Variants in HMGB1 observed in about 807,000 individuals in gnomAD.
The protein encoded by HMGB1 is high mobility group protein B1.
For synonymous variants in HMGB1, 81 were observed against 84.0 expected (o/e 0.96, Z 0.19); for missense variants, 79 against 253.5 (o/e 0.31, Z 4.67).
intron 1 of HMGB1, among the ~76,000 whole-genome samples, chr13:30,532,668 C>T (rs1013268221): frequency 3.9e-5 from 6 of 151,920 alleles, no homozygotes; most frequent in African/African-American, 7.3e-5. Context: ...ACCATCATGC[C>T]CAGCTAATTT....
intron 1 of HMGB1, among the ~76,000 whole-genome samples, chr13:30,550,242 T>A (rs1869361564): frequency 6.6e-6 from 1 of 152,212 alleles, no homozygotes; most frequent in Admixed American, 6.5e-5. Context: ...TATGTTCATT[T>A]GTCCATTTGT....
chr13:30,557,013 T>C (rs1869720992), intron 1 of HMGB1, among the ~76,000 whole-genome samples: 1 of 152,204 alleles, frequency 6.6e-6, no homozygotes, highest in Admixed American at 6.5e-5. Flanking sequence ...CTCAAGAATA[T>C]GTACAATTGG....
At chr13:30,578,365 G>GTTTT (rs1475312645) in intron 1 of HMGB1, among the ~76,000 whole-genome samples, 9 of 67,074 alleles carry the variant, frequency 1.3e-4, no homozygotes, top group Non-Finnish European at 1.8e-4. Context: ...ACCAGTTCTT[G>GTTTT]TTCTTTTTTT....
At chr13:30,536,158 T>C (rs529799635) in intron 1 of HMGB1, among the ~76,000 whole-genome samples, 1 of 152,350 alleles carries the variant, frequency 6.6e-6, no homozygotes, top group East Asian at 1.9e-4. Flanking sequence ...TAGAAGTTAC[T>C]GCAATAAACA....
intron 1 of HMGB1, among the ~76,000 whole-genome samples, chr13:30,612,803 T>G (rs1264005123): frequency 6.6e-6 from 1 of 152,222 alleles, no homozygotes; most frequent in Non-Finnish European, 1.5e-5. Flanking sequence ...TGTTGTGTGA[T>G]TACTTCAACA....
chr13:30,464,680 G>C (rs1412202009), intron 1 of HMGB1: 4 of 973,092 alleles, frequency 4.1e-6, no homozygotes, highest in Non-Finnish European at 4.9e-6. Context: ...CGGCGCGCAC[G>C]GAATGGCCGC....
chr13:30,567,566 AG>A (rs1287655659), intron 1 of HMGB1, among the ~76,000 whole-genome samples: 9 of 151,966 alleles, frequency 5.9e-5, no homozygotes, highest in Admixed American at 5.2e-4. Context: ...TGGCCGGGCT[AG>A]TCTTAAACTC....
chr13:30,518,821 T>G, intron 1 of HMGB1, among the ~76,000 whole-genome samples: 1 of 136,856 alleles, frequency 7.3e-6, no homozygotes, highest in East Asian at 2.2e-4. Context: ...GCCTCCCACC[T>G]CAGCCTCCCA....
chr13:30,615,043 A>G (rs1158329579), intron 1 of HMGB1, among the ~76,000 whole-genome samples: 2 of 152,162 alleles, frequency 1.3e-5, no homozygotes, highest in East Asian at 3.9e-4. Flanking sequence ...TTTAGAGTCT[A>G]ATGTATAAAT....
intron 1 of HMGB1, among the ~76,000 whole-genome samples, chr13:30,477,255 T>C (rs973747354): frequency 6.6e-6 from 1 of 151,840 alleles, no homozygotes; most frequent in Non-Finnish European, 1.5e-5. Flanking sequence ...AATGAAACAA[T>C]ACCTACCATT....
At chr13:30,567,563 G>A (rs1870239224) in intron 1 of HMGB1, among the ~76,000 whole-genome samples, 1 of 152,052 alleles carries the variant, frequency 6.6e-6, no homozygotes, top group South Asian at 2.1e-4. Flanking sequence ...TGTTGGCCGG[G>A]CTAGTCTTAA....
intron 1 of HMGB1, among the ~76,000 whole-genome samples, chr13:30,531,869 C>A (rs1888504271): frequency 6.6e-6 from 1 of 151,562 alleles, no homozygotes; most frequent in South Asian, 2.1e-4. Flanking sequence ...TGCACTCCAG[C>A]CTGGGCAATA....
Position 30,538,609 on chromosome 13 carries a change from TTC to T in HMGB1, c.-14-74917_-14-74916del, listed in dbSNP as rs1157208518. ...CTTTTTCTTTCTTCTTTTTCTTTCT[TTC>T]TCTTTCTCTCTCTCTTTCTTTTTCT... On this transcript the variant is annotated intron_variant, in intron 1 of 4. Coordinates refer to the HMGB1 transcript ENST00000405805. Among the ~76,000 whole-genome samples, 12 of 129,812 alleles carry T rather than the reference TTC, an allele frequency of 9.2e-5. 1 individual carries two copies. Among genetic ancestry groups the T allele is most frequent in the African/African-American group, 1.9e-4 (5 of 25,942 alleles). 85.2% of individuals were successfully genotyped at this position (129,812 alleles called of 152,430 possible). A position where few individuals can be genotyped will look rare whatever the true frequency, so the allele number is the denominator to read the frequency against.
intron 1 of HMGB1, among the ~76,000 whole-genome samples, chr13:30,491,878 G>T (rs183113866): frequency 9.2e-5 from 14 of 152,200 alleles, no homozygotes; most frequent in Non-Finnish European, 2.1e-4. Flanking sequence ...CTCTTAGAAA[G>T]ATATCATTGG....
At chr13:30,606,068 T>C (rs1008079749) in intron 1 of HMGB1, among the ~76,000 whole-genome samples, 2 of 152,242 alleles carry the variant, frequency 1.3e-5, no homozygotes, top group Non-Finnish European at 2.9e-5. Context: ...TCAAAGTCCA[T>C]GCACAGCATT....
chr13:30,518,577 G>T (rs1314560647), intron 1 of HMGB1, among the ~76,000 whole-genome samples: 1 of 152,110 alleles, frequency 6.6e-6, no homozygotes, highest in African/African-American at 2.4e-5. Context: ...TAAAATAGGA[G>T]AAATTGTATT....
intron 1 of HMGB1, among the ~76,000 whole-genome samples, chr13:30,465,401 A>G (rs1353517246): frequency 7.5e-6 from 1 of 134,072 alleles, no homozygotes; most frequent in Admixed American, 7.2e-5. Flanking sequence ...GCCGCCGCCG[A>G]GCCGCGCCGG....
intron 1 of HMGB1, among the ~76,000 whole-genome samples, chr13:30,500,535 AATTTTTTT>A (rs1887711009): frequency 2.3e-5 from 1 of 42,556 alleles, no homozygotes; most frequent in Admixed American, 4.5e-4. Flanking sequence ...TCACCTGGCT[AATTTTTTT>A]TTTTTTTTTT....
At chr13:30,515,066 A>G (rs1332110335) in intron 1 of HMGB1, among the ~76,000 whole-genome samples, 1 of 152,224 alleles carries the variant, frequency 6.6e-6, no homozygotes, top group Non-Finnish European at 1.5e-5. Flanking sequence ...TTAAAAGCAG[A>G]GCGCTGGAGG....
Sources: allele counts gnomAD v4.1 joint callset (sites outside exome capture counted in the v4.1 genomes callset), GRCh38; gene constraint gnomAD v4.1.1; transcripts MANE v1.5; gene names NCBI Gene and HGNC (gene_info 2026-07-23, HGNC 2026-07-21).